The following ZNF565 variants were observed in gnomAD, a reference collection of about 807,000 sequenced individuals.
ZNF565 encodes the protein zinc finger protein 565.
Under a neutral mutation model 39.4 loss-of-function variants are expected in ZNF565, and 27 were observed. The observed-to-expected ratio is 0.69, with a 90% CI of 0.51 to 0.95. The LOEUF (loss-of-function observed/expected upper bound fraction) is 0.95, where lower values mean the gene tolerates loss of function less well. Among genes scored for constraint, ZNF565 ranks in the 40% least tolerant of loss-of-function variants. ZNF565 has a pLI of 0.00. For missense variants in ZNF565, 524 were observed against 621.1 expected, an observed-to-expected ratio of 0.84 and a Z score of 1.66; for synonymous variants, 185 against 216.6, an observed-to-expected ratio of 0.85 and a Z score of 1.28.
intron 1 of ZNF565, among the ~76,000 whole-genome samples, chr19:36,229,971 C>T (rs1000247245): frequency 6.6e-6 from 1 of 152,190 alleles, no homozygotes; most frequent in African/African-American, 2.4e-5. Context: ...CTGCCTGCCT[C>T]GGCCTCTCAA....
intron 4 of ZNF565, among the ~76,000 whole-genome samples, chr19:36,192,288 A>G (rs1447176048): frequency 1.3e-5 from 2 of 152,170 alleles, no homozygotes; most frequent in East Asian, 1.9e-4. Context: ...ATCAAACTGA[A>G]CAGCACCAGT....
At chr19:36,192,613 C>G (rs1975600071) in intron 4 of ZNF565, among the ~76,000 whole-genome samples, 1 of 151,962 alleles carries the variant, frequency 6.6e-6, no homozygotes, top group Non-Finnish European at 1.5e-5. Flanking sequence ...TGGTAGCGTG[C>G]ACCTGTAATC....
intron 1 of ZNF565, among the ~76,000 whole-genome samples, chr19:36,232,713 A>T (rs1045480504): frequency 1.3e-5 from 2 of 149,214 alleles, no homozygotes; most frequent in African/African-American, 2.5e-5. Flanking sequence ...GTTTCAAGTG[A>T]TTCTCCTGTC....
intron 1 of ZNF565, among the ~76,000 whole-genome samples, chr19:36,212,651 T>C (rs1476650281): frequency 1.3e-5 from 2 of 151,772 alleles, no homozygotes; most frequent in Non-Finnish European, 2.9e-5. Flanking sequence ...ATGGGAATTC[T>C]ATTGTTGCTA....
intron 4 of ZNF565, among the ~76,000 whole-genome samples, chr19:36,191,666 A>C (rs1215227534): frequency 6.6e-6 from 1 of 152,216 alleles, no homozygotes; most frequent in Non-Finnish European, 1.5e-5. Context: ...AATAAAATAA[A>C]TACCCACGAA....
intron 4 of ZNF565, among the ~76,000 whole-genome samples, chr19:36,187,332 A>G (rs779851357): frequency 6.6e-5 from 10 of 151,684 alleles, no homozygotes; most frequent in African/African-American, 9.7e-5. Context: ...CCTAATATAT[A>G]TATTTATTTT....
Position 36,245,893 on chromosome 19 carries a change from G to A in ZNF565, c.-363C>T. 3.9e-6 allele frequency: 1 copy of A among 254,220 alleles called. No individual in the cohort carries two copies. The highest frequency in any genetic ancestry group is 5.2e-5 in the Admixed American group (1 of 19,230). The allele number at this position is 254,220 out of a possible 1,614,324, so 15.7% of individuals were successfully genotyped here. A position where few individuals can be genotyped will look rare whatever the true frequency, so the allele number is the denominator to read the frequency against. On this transcript the variant is annotated 5_prime_UTR_variant, in exon 1 of 5. Transcript: ENST00000355114. This position sits in a 1 kb window ranked among gnomAD's most constrained non-coding sequence, Gnocchi z 4.4. ...GCCTTGGCTCAGGCGGAACCCGACC[G>A]GGATCGCCCCGCGAGATGCAGTCGT...
intron 1 of ZNF565, among the ~76,000 whole-genome samples, chr19:36,210,773 C>T (rs934764471): frequency 3.3e-5 from 5 of 151,710 alleles, no homozygotes; most frequent in South Asian, 2.1e-4. Flanking sequence ...TACAGGTACT[C>T]GCCACCACAC....
upstream of ZNF565, among the ~76,000 whole-genome samples, chr19:36,217,314 C>T (rs992524890): frequency 3.3e-5 from 5 of 151,650 alleles, no homozygotes; most frequent in Admixed American, 6.6e-5. Context: ...CGGCCCGCCT[C>T]GGCTTCCCAA....
At chr19:36,237,288 A>G (rs767786356) in intron 1 of ZNF565, 1 of 1,609,490 alleles carries the variant, frequency 6.2e-7, no homozygotes. Context: ...AAGTCACACC[A>G]CATTAGACAC....
upstream of ZNF565, among the ~76,000 whole-genome samples, chr19:36,216,812 C>G (rs896658637): frequency 5.4e-4 from 54 of 100,164 alleles, no homozygotes; most frequent in African/African-American, 2.2e-3. Context: ...GAGATGGGGA[C>G]CCAACACATT....
chr19:36,228,875 T>G (rs900238463), intron 1 of ZNF565: 2 of 152,242 alleles, frequency 1.3e-5, no homozygotes, highest in African/African-American at 4.8e-5. Context: ...TCCTCTGAAG[T>G]GCTTCAAAGG....
At chr19:36,240,649 ACC>A (rs1977782689) in intron 1 of ZNF565, among the ~76,000 whole-genome samples, 1 of 152,120 alleles carries the variant, frequency 6.6e-6, no homozygotes, top group Non-Finnish European at 1.5e-5. Flanking sequence ...CGGGTGGATC[ACC>A]TGAGGTCACG....
chr19:36,242,591 G>A (rs569318479), intron 1 of ZNF565, among the ~76,000 whole-genome samples: 1 of 151,906 alleles, frequency 6.6e-6, no homozygotes, highest in Non-Finnish European at 1.5e-5. Flanking sequence ...CAGGCATGGT[G>A]GCACGTGCCT....
chr19:36,184,782 C>T (rs1016078096), intron 4 of ZNF565, among the ~76,000 whole-genome samples: 1 of 152,148 alleles, frequency 6.6e-6, no homozygotes, highest in Non-Finnish European at 1.5e-5. Flanking sequence ...ATGAAAATCT[C>T]TGCTTAAACA....
intron 1 of ZNF565, chr19:36,238,343 G>A (rs1391081599): frequency 6.0e-6 from 1 of 167,054 alleles, no homozygotes; most frequent in Non-Finnish European, 1.5e-5. Context: ...GGATTGGAAG[G>A]ATACAGACCA....
intron 1 of ZNF565, among the ~76,000 whole-genome samples, chr19:36,202,332 C>T (rs1199440526): frequency 6.6e-6 from 1 of 151,878 alleles, no homozygotes; most frequent in Non-Finnish European, 1.5e-5. Flanking sequence ...GCACCACTGC[C>T]CTCCAGCCTG....
intron 1 of ZNF565, chr19:36,236,212 C>CT (rs1254626318): frequency 3.2e-5 from 15 of 474,962 alleles, no homozygotes; most frequent in Non-Finnish European, 5.4e-5. Flanking sequence ...GGTAGCAATA[C>CT]TTCATTGAAT....
In ZNF565 at chr19:36,213,689, ATT is replaced by A. The variant is rs34943234; in HGVS notation, c.-66+931_-66+932del. On this transcript the variant is annotated intron_variant, in intron 1 of 4. Coordinates refer to ENST00000304116, the MANE Select transcript of ZNF565 (RefSeq NM_152477.5). ...GTGTGAGCCACCGTGCCAGCCATTAATTTTTTTTTTTTTTTTTTGTACAGGCC... is the reference window on the plus strand; with the variant it reads ...GTGTGAGCCACCGTGCCAGCCATTAATTTTTTTTTTTTTTTTGTACAGGCC... Among the ~76,000 whole-genome samples the A allele has an allele frequency of 6.0e-5, 8 of 133,278 alleles. No individual in the cohort carries two copies. In the South Asian group the frequency reaches 7.0e-4, roughly 12 times the overall value. The allele number at this position is 133,278 out of a possible 152,430, so 87.4% of individuals were successfully genotyped here.
Sources: allele counts gnomAD v4.1 joint callset (sites outside exome capture counted in the v4.1 genomes callset), GRCh38; gene constraint gnomAD v4.1.1; non-coding constraint Gnocchi (gnomAD v3.1); transcripts MANE v1.5; gene names NCBI Gene and HGNC (gene_info 2026-07-23, HGNC 2026-07-21).